PHC3: variants seen among roughly 807,000 people sequenced by gnomAD.
PHC3 encodes polyhomeotic-like protein 3.
PHC3 carries 13 observed loss-of-function variants against 107.4 expected under a neutral mutation model. That is an observed-to-expected ratio of 0.12 (90% confidence interval 0.08 to 0.19). PHC3 has a LOEUF of 0.19. Among genes scored for constraint, PHC3 ranks in the 10% least tolerant of loss-of-function variants. The probability of loss-of-function intolerance (pLI) is 1.00; values close to 1 mark genes in which losing one functional copy is unlikely to be tolerated. For synonymous variants in PHC3, 456 were observed against 427.4 expected (o/e 1.07, Z -0.83); for missense variants, 992 against 1,210.9 (o/e 0.82, Z 2.68).
At chr3:170,152,770 T>C (rs1224315012) in intron 4 of PHC3, among the ~76,000 whole-genome samples, 1 of 150,836 alleles carries the variant, frequency 6.6e-6, no homozygotes, top group Non-Finnish European at 1.5e-5. Flanking sequence ...AGATGATCCT[T>C]CCACCTCAGC....
intron 4 of PHC3, among the ~76,000 whole-genome samples, chr3:170,165,251 C>A (rs2108703333): frequency 6.6e-6 from 1 of 152,234 alleles, no homozygotes; most frequent in East Asian, 1.9e-4. Context: ...TACTTGCACC[C>A]TCATATTGCA....
chr3:170,118,260 G>GT (rs1297514121), intron 9 of PHC3, among the ~76,000 whole-genome samples: 2 of 152,088 alleles, frequency 1.3e-5, no homozygotes, highest in African/African-American at 4.8e-5. Flanking sequence ...TTATTTATAT[G>GT]TTTTTTGGAG....
At chr3:170,176,683 T>C (rs746361612) in intron 2 of PHC3, among the ~76,000 whole-genome samples, 1 of 152,228 alleles carries the variant, frequency 6.6e-6, no homozygotes, top group Non-Finnish European at 1.5e-5. Context: ...CTGGTAATGA[T>C]TAATGGAGAT....
In PHC3 at chr3:170,117,336, T is replaced by C. The variant is rs138410529; in HGVS notation, c.2083A>G (p.Ser695Gly). 819 of 1,613,976 alleles carry C rather than the reference T, an allele frequency of 5.1e-4. 7 individuals carry two copies. The East Asian group carries it at 8.3e-3, about 16-fold the overall frequency. Residue 695 changes from serine to glycine, a missense_variant, in exon 10 of 15, where the codon AGT becomes GGT. Physicochemically the swap from Ser to Gly is moderately conservative, Grantham distance 56 (BLOSUM62 0). Transcript: ENST00000495893. Reference protein sequence around the residue: ...TTRSNSTSMHSSIPSIENKPP... With the variant: ...TTRSNSTSMHGSIPSIENKPP... ...TTGTTCTCTATACTGGGAATGCTAC[T>C]GTGCATAGATGTACTGTTACTCCTT...
At chr3:170,099,129 A>G (rs1337639525) in intron 14 of PHC3, among the ~76,000 whole-genome samples, 1 of 152,226 alleles carries the variant, frequency 6.6e-6, no homozygotes, top group South Asian at 2.1e-4. Context: ...AATGAGAACT[A>G]TAAGAGCTAC....
chr3:170,109,197 TTCTCCA>T (rs1717150001), intron 11 of PHC3, among the ~76,000 whole-genome samples: 1 of 152,278 alleles, frequency 6.6e-6, no homozygotes, highest in East Asian at 1.9e-4. Context: ...CAGCTGGTAA[TTCTCCA>T]GCATCCACTC....
chr3:170,153,470 A>G (rs761528463), intron 4 of PHC3, among the ~76,000 whole-genome samples: 14 of 152,110 alleles, frequency 9.2e-5, no homozygotes, highest in Non-Finnish European at 1.9e-4. Context: ...TACCCATTTA[A>G]GAATCTTCTG....
At chr3:170,112,379 TTA>T (rs199779545) in intron 11 of PHC3, among the ~76,000 whole-genome samples, 1,789 of 118,494 alleles carry the variant, frequency 0.015, 40 homozygotes, top group African/African-American at 0.055. Context: ...CCCAGCTAAT[TTA>T]TATATATATA....
At chr3:170,111,317 G>GGAACGAACGAACGAACGAAC (rs1252000410) in intron 11 of PHC3, among the ~76,000 whole-genome samples, 3 of 107,516 alleles carry the variant, frequency 2.8e-5, no homozygotes, top group East Asian at 2.3e-4. Flanking sequence ...AAGGAAGGAA[G>GGAACGAACGAACGAACGAAC]GAACGAACGA....
intron 4 of PHC3, among the ~76,000 whole-genome samples, chr3:170,158,616 T>C (rs1727294658): frequency 1.4e-5 from 2 of 147,528 alleles, no homozygotes; most frequent in African/African-American, 2.5e-5. Flanking sequence ...AAAGAAAAAT[T>C]TCAAAAAAAG....
chr3:170,179,510 C>T (rs773401988), intron 1 of PHC3, among the ~76,000 whole-genome samples: 26 of 152,180 alleles, frequency 1.7e-4, no homozygotes, highest in Admixed American at 9.8e-4. Context: ...CAGTCTACAA[C>T]GCTGTCCTTA....
At chr3:170,178,358 C>T (rs1307744582) in intron 2 of PHC3, among the ~76,000 whole-genome samples, 1 of 151,156 alleles carries the variant, frequency 6.6e-6, no homozygotes, top group Non-Finnish European at 1.5e-5. Flanking sequence ...GTCTCGATCT[C>T]CTGACCTCGT....
Position 170,178,846 on chromosome 3 carries a change from ATGG to A in PHC3, c.104_106del (p.Thr35del), listed in dbSNP as rs778969283. Reference sequence around the variant, plus strand: ...CTGCATTCGAGAGGAGGAAGTGGTGATGGTGGTGGTGGTGGTACTGCTGGTTGT... The same window carrying A: ...CTGCATTCGAGAGGAGGAAGTGGTGATGGTGGTGGTGGTACTGCTGGTTGT... On this transcript the variant is annotated inframe_deletion, in exon 2 of 15. Coordinates refer to ENST00000495893, the MANE Select transcript of PHC3 (RefSeq NM_024947.4). 60 of 1,613,004 alleles carry A rather than the reference ATGG, an allele frequency of 3.7e-5. No individual in the cohort carries two copies. The highest frequency in any genetic ancestry group is 1.6e-4 in the Middle Eastern group (1 of 6,082).
chr3:170,115,037 C>T (rs1718629475), intron 10 of PHC3, among the ~76,000 whole-genome samples: 1 of 152,086 alleles, frequency 6.6e-6, no homozygotes, highest in South Asian at 2.1e-4. Context: ...AAAAATAATT[C>T]AGCAATACGT....
chr3:170,101,643 T>C (rs1576956318), intron 14 of PHC3, among the ~76,000 whole-genome samples: 1 of 152,286 alleles, frequency 6.6e-6, no homozygotes, highest in Non-Finnish European at 1.5e-5. Flanking sequence ...CAAGATTTAC[T>C]GATTTAAAAA....
In PHC3 at chr3:170,090,782, C is replaced by A. The variant is rs1237195303; in HGVS notation, c.*6448G>T. ...AGCTGTTAAAACAGCTGAGTAATTGCCCAACATGTCACACACAGCTAACCC... is the reference window on the plus strand; with the variant it reads ...AGCTGTTAAAACAGCTGAGTAATTGACCAACATGTCACACACAGCTAACCC... On this transcript the variant is annotated 3_prime_UTR_variant, in exon 15 of 15. Coordinates refer to ENST00000495893, the MANE Select transcript of PHC3 (RefSeq NM_024947.4). 2.6e-5 allele frequency: 4 copies of A among 152,114 alleles called. No individual in the cohort carries two copies. The highest frequency in any genetic ancestry group is 4.4e-5 in the Non-Finnish European group (3 of 68,036). The allele number at this position is 152,114 out of a possible 1,614,324, so 9.4% of individuals were successfully genotyped here.
chr3:170,158,630 A>G (rs1458211020), intron 4 of PHC3, among the ~76,000 whole-genome samples: 1 of 151,910 alleles, frequency 6.6e-6, no homozygotes, highest in Non-Finnish European at 1.5e-5. Context: ...AAAAAAGAAA[A>G]AAAAAAACCT....
At chr3:170,142,966 G>T (rs1370184056) in intron 6 of PHC3, among the ~76,000 whole-genome samples, 1 of 152,056 alleles carries the variant, frequency 6.6e-6, no homozygotes, top group Non-Finnish European at 1.5e-5. Flanking sequence ...TTGAGCTCAG[G>T]GGTTCAGGAC....
rs755131547 is a variant in PHC3 at position 170,088,957 on chromosome 3, G to C, written c.*8273C>G. 2 of 152,258 alleles carry C rather than the reference G, an allele frequency of 1.3e-5. No individual in the cohort carries two copies. The highest frequency in any genetic ancestry group is 4.8e-5 in the African/African-American group (2 of 41,432). 9.4% of individuals were successfully genotyped at this position (152,258 alleles called of 1,614,324 possible). On this transcript the variant is annotated 3_prime_UTR_variant, in exon 15 of 15. Transcript: ENST00000495893. The stretch of plus-strand genomic sequence containing the variant: ...GAGGTGGGCGGATCACTTGAGGTCA[G>C]GAGTTCGAGTCCAGCCTGGCCAACA...
Sources: gnomAD v4.1 joint callset for allele counts (sites outside exome capture counted in the v4.1 genomes callset) on GRCh38, gnomAD v4.1.1 for gene constraint, MANE v1.5 for transcripts, NCBI Gene and HGNC (gene_info 2026-07-23, HGNC 2026-07-21) for gene names.